OPN4: variants seen among roughly 807,000 people sequenced by gnomAD.
OPN4 encodes the protein opsin 4, also known as melanopsin.
In OPN4, 43 loss-of-function variants were observed where a neutral mutation model predicts 49.5. That is an observed-to-expected ratio of 0.87 (90% CI 0.68 to 1.12). The LOEUF (loss-of-function observed/expected upper bound fraction) is 1.12. OPN4 is among the 50% of genes most tolerant of loss of function. The probability of loss-of-function intolerance (pLI) is 0.00; values close to 1 mark genes in which losing one functional copy is unlikely to be tolerated. For missense variants in OPN4, 657 were observed against 643.9 expected (o/e 1.02, Z -0.22); for synonymous variants, 263 against 258.0 (o/e 1.02, Z -0.19).
rs370424619 is a variant in OPN4, at chr10:86,655,384, C to T, written c.144+457C>T. Among the ~76,000 whole-genome samples, 26 of 152,238 alleles carry T rather than the reference C, an allele frequency of 1.7e-4. No homozygotes were observed. The East Asian group carries it at 3.5e-3, about 20-fold the overall frequency. On this transcript the variant is annotated intron_variant, in intron 1 of 9. Coordinates refer to ENST00000241891, the MANE Select transcript of OPN4 (RefSeq NM_033282.4). ...AACACCACTGCTACCTGGGGAAGGC[C>T]GAGGGCACCCTCAGGACCTGGGGAT...
At chr10:86,662,005 C>T (rs2132307110) in intron 7 of OPN4, among the ~76,000 whole-genome samples, 1 of 152,258 alleles carries the variant, frequency 6.6e-6, no homozygotes, top group Non-Finnish European at 1.5e-5. Flanking sequence ...CCCAGGCTCT[C>T]CCTGCATGCC....
At chr10:86,660,164 C>T (rs995377044) in intron 6 of OPN4, 105 bp downstream of exon 6, 25 of 1,282,596 alleles carry the variant, frequency 1.9e-5, no homozygotes, top group African/African-American at 1.3e-4. Context: ...CAGCCATCCT[C>T]GCACCCTAGG....
chr10:86,664,617 T>C (rs182968034), intron 9 of OPN4, among the ~76,000 whole-genome samples: 5 of 152,234 alleles, frequency 3.3e-5, no homozygotes, highest in African/African-American at 9.6e-5. Flanking sequence ...CCAGCTTCCC[T>C]AGCTAGTCCA....
At chr10:86,658,823 A>G in intron 4 of OPN4, 136 bp downstream of exon 4, 1 of 809,796 alleles carries the variant, frequency 1.2e-6, no homozygotes, top group South Asian at 1.7e-5. Context: ...GGTGAGATGG[A>G]CATTCAGGGG....
At chr10:86,663,850 G>C (rs1482943111) in intron 9 of OPN4, 48 bp downstream of exon 9, 8 of 1,541,742 alleles carry the variant, frequency 5.2e-6, no homozygotes, top group Non-Finnish European at 7.0e-6. Context: ...GGGGGTTAGG[G>C]GCCAGTAGCC....
In OPN4 at chr10:86,658,615, C is replaced by G. The variant is rs775935528; in HGVS notation, c.556C>G (p.Arg186Gly). ...CACCTTTGGTGTGGCGTCCAAGAGG[C>G]GTGCGGCATTTGTCCTGCTGGGCGT... ...LATFGVASKR[R>G]AAFVLLGVWL... The change falls in exon 4 of 10, where the codon CGT (arginine) becomes GGT (glycine). Residue 186 changes from arginine (R) to glycine (G), a missense_variant. By Grantham distance (125) the Arg-to-Gly change is moderately radical. Transcript: ENST00000241891. 1 of 1,614,168 alleles carries G rather than the reference C, an allele frequency of 6.2e-7. No homozygotes were observed. Among genetic ancestry groups the G allele is most frequent in the Admixed American group, 1.7e-5 (1 of 60,036 alleles).
rs773828378 is a variant in OPN4, at chr10:86,658,112, C to A, written c.371C>A (p.Ala124Asp). ...VSDFLMSFTQ[A>D]PVFFTSSLYK... ...GACTTCCTCATGTCCTTCACCCAGG[C>A]CCCTGTCTTCTTCACCAGTAGCCTC... The change falls in exon 3 of 10, where the codon GCC (alanine) becomes GAC (aspartate). Residue 124 changes from alanine (A) to aspartate (D), a missense_variant. Physicochemically the swap from Ala to Asp is moderately radical, Grantham distance 126. Transcript: ENST00000241891. The A allele has an allele frequency of 2.5e-6, 4 of 1,614,134 alleles. No homozygotes were observed. The South Asian group carries it at 3.3e-5, about 13-fold the overall frequency.
Position 86,656,441 on chromosome 10 carries a change from C to T in OPN4, c.290+141C>T, listed in dbSNP as rs926455082. The T allele has an allele frequency of 9.1e-6, 10 of 1,099,026 alleles. 1 individual carries two copies. The African/African-American group carries it at 9.4e-5, about 10-fold the overall frequency. The allele number at this position is 1,099,026 out of a possible 1,614,324, so 68.1% of individuals were successfully genotyped here. On this transcript the variant is annotated intron_variant, in intron 2 of 9. Coordinates refer to ENST00000241891, the MANE Select transcript of OPN4 (RefSeq NM_033282.4). ...GGCAAGGAGGGCAGGGCCATGCCTT[C>T]GATGATCTCAGGCCCAGACCTTCCT... is the stretch of plus-strand genomic sequence containing the variant.
At chr10:86,663,434 G>A (rs1407741530) in intron 8 of OPN4, among the ~76,000 whole-genome samples, 1 of 152,160 alleles carries the variant, frequency 6.6e-6, no homozygotes, top group African/African-American at 2.4e-5. Context: ...AAGGTGTGCC[G>A]GTGTGCAGAT....
At chr10:86,665,281 T>C (rs535267189) in intron 9 of OPN4, among the ~76,000 whole-genome samples, 17 of 152,168 alleles carry the variant, frequency 1.1e-4, no homozygotes, top group South Asian at 6.2e-4. Context: ...TCTCCAGACC[T>C]GACCTGGGGA....
chr10:86,663,165 T>A (rs567019929), intron 8 of OPN4, among the ~76,000 whole-genome samples: 1 of 152,182 alleles, frequency 6.6e-6, no homozygotes, highest in African/African-American at 2.4e-5. Flanking sequence ...CCCACCACAC[T>A]TGGGCTCCTC....
chr10:86,654,633 A>G lies in OPN4; in HGVS notation c.-151A>G. 9.1e-7 allele frequency: 1 copy of G among 1,100,448 alleles called. No individual in the cohort carries two copies. Among genetic ancestry groups the G allele is most frequent in the Non-Finnish European group, 1.3e-6 (1 of 773,924 alleles). 68.2% of individuals were successfully genotyped at this position (1,100,448 alleles called of 1,614,324 possible). On this transcript the variant is annotated 5_prime_UTR_variant, in exon 1 of 10. Transcript: ENST00000241891. Reference sequence around the variant, plus strand: ...AGCCCCAAGAGCAGCTCCAGGCTGGATCTGCGCCGGACACAGGAGAAAGCA... The same window carrying G: ...AGCCCCAAGAGCAGCTCCAGGCTGGGTCTGCGCCGGACACAGGAGAAAGCA...
chr10:86,658,579 C>G lies in OPN4; in HGVS notation c.520C>G (p.Arg174Gly), dbSNP rs761241421. ...CCTGGACCGCTACCTGGTAATCACA[C>G]GCCCGCTGGCCACCTTTGGTGTGGC... ...IALDRYLVITRPLATFGVASK... is the reference protein window; with the variant it reads ...IALDRYLVITGPLATFGVASK... The change falls in exon 4 of 10, where the codon CGC becomes GGC. Residue 174 changes from arginine (R) to glycine (G), a missense_variant. Coordinates refer to ENST00000241891, the MANE Select transcript of OPN4 (RefSeq NM_033282.4). 1 of 1,614,116 alleles carries G rather than the reference C, an allele frequency of 6.2e-7. No homozygotes were observed. Among genetic ancestry groups the G allele is most frequent in the African/African-American group, 1.3e-5 (1 of 74,944 alleles).
chr10:86,661,779 G>A (rs898057935), intron 7 of OPN4, among the ~76,000 whole-genome samples: 1 of 151,938 alleles, frequency 6.6e-6, no homozygotes, highest in Non-Finnish European at 1.5e-5. Flanking sequence ...CAGGAGCCTG[G>A]GGTGGCTCTG....
At chr10:86,656,066 C>G in intron 1 of OPN4, 89 bp from the exon 2 acceptor site, 1 of 1,555,600 alleles carries the variant, frequency 6.4e-7, no homozygotes, top group Non-Finnish European at 8.8e-7. Flanking sequence ...TCCCACCTGC[C>G]CTGTTGAGAA....
intron 8 of OPN4, among the ~76,000 whole-genome samples, chr10:86,663,131 C>T (rs542461005): frequency 2.0e-5 from 3 of 152,288 alleles, no homozygotes; most frequent in South Asian, 2.1e-4. Context: ...CCCAGGAAAG[C>T]TCCGTGCGCC....
chr10:86,662,025 G>A (rs1844019275), intron 7 of OPN4, among the ~76,000 whole-genome samples: 1 of 152,048 alleles, frequency 6.6e-6, no homozygotes, highest in Non-Finnish European at 1.5e-5. Context: ...CTACCACCCA[G>A]AATCTCTCTG....
At position 86,663,643 on chromosome 10, in the gene OPN4, C is replaced by T. The variant is rs1212008287; in HGVS notation, c.1255-16C>T. The T allele has an allele frequency of 2.7e-6, 4 of 1,484,786 alleles. No individual in the cohort carries two copies. The highest frequency in any genetic ancestry group is 3.6e-6 in the Non-Finnish European group (4 of 1,114,174). The allele number at this position is 1,484,786 out of a possible 1,614,324, so 92.0% of individuals were successfully genotyped here. A position where few individuals can be genotyped will look rare whatever the true frequency, so the allele number is the denominator to read the frequency against. On this transcript the variant is annotated splice_polypyrimidine_tract_variant and intron_variant, in intron 8 of 9. Coordinates refer to ENST00000241891, the MANE Select transcript of OPN4 (RefSeq NM_033282.4). ...CTGTCCCTCTCACCTCACAGTCACT[C>T]TCTCACCTCCCTCAGGGCTGGACAC... is the stretch of plus-strand genomic sequence containing the variant.
intron 7 of OPN4, among the ~76,000 whole-genome samples, chr10:86,661,756 T>A (rs1844013780): frequency 7.3e-6 from 1 of 137,886 alleles, no homozygotes; most frequent in Non-Finnish European, 1.5e-5. Context: ...TCAGCTCTGC[T>A]CCCAGGGCCT....
Sources: allele counts gnomAD v4.1 joint callset (sites outside exome capture counted in the v4.1 genomes callset), GRCh38; gene constraint gnomAD v4.1.1; transcripts MANE v1.5; gene names NCBI Gene and HGNC (gene_info 2026-07-23, HGNC 2026-07-21).